Variants in CDK13 observed in about 807,000 individuals in gnomAD.
The protein encoded by CDK13 is cyclin dependent kinase 13.
CDK13 carries 40 observed loss-of-function variants against 137.6 expected under a neutral mutation model. The observed-to-expected ratio is 0.29, with a 90% confidence interval of 0.23 to 0.38. The LOEUF (loss-of-function observed/expected upper bound fraction) is 0.38. CDK13 is among the 10% of genes least tolerant of loss of function. CDK13 has a pLI of 1.00. For missense variants in CDK13, 1,704 were observed against 1,951.8 expected, an observed-to-expected ratio of 0.87 and a Z score of 2.39; for synonymous variants, 869 against 760.1, an observed-to-expected ratio of 1.14 and a Z score of -2.36.
chr7:40,051,225 C>T (rs1351283346), intron 7 of CDK13, among the ~76,000 whole-genome samples: 2 of 151,340 alleles, frequency 1.3e-5, no homozygotes, highest in Non-Finnish European at 2.9e-5. Flanking sequence ...AGCAAATATC[C>T]TATCATTATG....
rs529254106 is a variant in CDK13, at chr7:39,962,183, G to C, written c.1211+10331G>C. ...GGGATTGCTGGGTCAAATGGTATTTGTAGTTCTAGATCCCTGAGGATTTGC... is the reference window on the plus strand; with the variant it reads ...GGGATTGCTGGGTCAAATGGTATTTCTAGTTCTAGATCCCTGAGGATTTGC... On this transcript the variant is annotated intron_variant, in intron 1 of 13. Transcript: ENST00000181839. Among the ~76,000 whole-genome samples, 83 of 152,290 alleles carry C rather than the reference G, an allele frequency of 5.5e-4. No individual in the cohort carries two copies. The South Asian group carries it at 0.013, about 23-fold the overall frequency.
At chr7:39,976,323 T>TCTCTCTCTCTCTCACA in intron 1 of CDK13, among the ~76,000 whole-genome samples, 956 of 39,522 alleles carry the variant, frequency 0.024, 80 homozygotes, top group Non-Finnish European at 0.041. Flanking sequence ...TCTCTCTCTC[T>TCTCTCTCTCTCTCACA]CACACACACA....
chr7:40,030,247 G>A (rs58902595), intron 5 of CDK13, among the ~76,000 whole-genome samples: 2,321 of 107,258 alleles, frequency 0.022, 71 homozygotes, highest in African/African-American at 0.11. Flanking sequence ...GTGTGTGTGT[G>A]TATATGTGTG....
In CDK13 at chr7:40,096,194, C is replaced by G. The variant is rs1050897313; in HGVS notation, c.*1214C>G. ...CCCTTTTAAGAAAGTCAATTCTATT[C>G]ACTTGTTAACTAGAAACATTGCTTA... On this transcript the variant is annotated 3_prime_UTR_variant, in exon 14 of 14. Transcript: ENST00000181839. 1.3e-5 allele frequency: 2 copies of G among 151,908 alleles called. No individual in the cohort carries two copies. Among genetic ancestry groups the G allele is most frequent in the Non-Finnish European group, 2.9e-5 (2 of 67,926 alleles). The allele number at this position is 151,908 out of a possible 1,614,324, so 9.4% of individuals were successfully genotyped here.
chr7:40,050,562 T>C (rs1228199049), intron 7 of CDK13, among the ~76,000 whole-genome samples: 1 of 152,100 alleles, frequency 6.6e-6, no homozygotes, highest in Non-Finnish European at 1.5e-5. Flanking sequence ...CAGCTAATTT[T>C]TGTATTTTTT....
At chr7:40,075,112 A>G (rs1786517468) in intron 9 of CDK13, among the ~76,000 whole-genome samples, 1 of 152,156 alleles carries the variant, frequency 6.6e-6, no homozygotes, top group East Asian at 1.9e-4. Flanking sequence ...GATTTGTCCT[A>G]TCAGACTTTC....
chr7:39,980,641 A>G (rs1311455329), intron 1 of CDK13, among the ~76,000 whole-genome samples: 1 of 152,184 alleles, frequency 6.6e-6, no homozygotes, highest in East Asian at 1.9e-4. Context: ...ATTGGGCATC[A>G]TATGTATAGA....
At position 40,062,926 on chromosome 7, in the gene CDK13, G is replaced by T; in HGVS notation, c.2701G>T (p.Gly901Cys). The change falls in exon 8 of 14, where the codon GGC becomes TGC. Residue 901 changes from glycine to cysteine, a missense_variant and splice_region_variant. By Grantham distance (159) the Gly-to-Cys change is radical. Transcript: ENST00000181839. ...ACCAGCCATTGATGTATGGAGCTGT[G>T]GGTAAGATAGCCTTATTTACTGGTT... ...YTPAIDVWSC[G>C]CILGELFTKK... is the part of the protein sequence containing the mutation. 1 of 1,611,078 alleles carries T rather than the reference G, an allele frequency of 6.2e-7. No homozygotes were observed.
chr7:40,045,119 C>G (rs1193659019), intron 5 of CDK13, among the ~76,000 whole-genome samples: 2 of 151,736 alleles, frequency 1.3e-5, no homozygotes, highest in African/African-American at 4.8e-5. Context: ...CTTTTTTTGT[C>G]TTCGTGTTAG....
intron 2 of CDK13, among the ~76,000 whole-genome samples, chr7:39,991,484 AGTGTGTGTGTGT>A (rs66520870): frequency 2.1e-4 from 30 of 143,772 alleles, no homozygotes; most frequent in African/African-American, 5.2e-4. Context: ...CATTAGCAAA[AGTGTGTGTGTGT>A]GTGTGTGTGT....
At chr7:39,985,243 T>G (rs1784313161) in intron 1 of CDK13, 1 of 152,196 alleles carries the variant, frequency 6.6e-6, no homozygotes, top group South Asian at 2.1e-4. Context: ...TGTGCCTCAC[T>G]TATTTTACGT....
intron 11 of CDK13, among the ~76,000 whole-genome samples, chr7:40,087,085 G>A (rs1049068925): frequency 6.6e-6 from 1 of 152,090 alleles, no homozygotes; most frequent in Non-Finnish European, 1.5e-5. Context: ...TTACAGGCAT[G>A]AGCTGCTGCG....
intron 9 of CDK13, among the ~76,000 whole-genome samples, chr7:40,075,827 A>C (rs1001639913): frequency 6.6e-6 from 1 of 152,132 alleles, no homozygotes; most frequent in Non-Finnish European, 1.5e-5. Context: ...TGGGCAACAT[A>C]GCAAAAACCT....
chr7:40,055,015 TA>T (rs968517244), intron 7 of CDK13, among the ~76,000 whole-genome samples: 2 of 152,128 alleles, frequency 1.3e-5, no homozygotes, highest in African/African-American at 4.8e-5. Context: ...ATCTCTATTT[TA>T]AAAAAAGTAG....
intron 1 of CDK13, among the ~76,000 whole-genome samples, chr7:39,983,592 A>G (rs1266533630): frequency 6.6e-6 from 1 of 152,174 alleles, no homozygotes; most frequent in Non-Finnish European, 1.5e-5. Context: ...TCAATTAAAT[A>G]TAGTTTATGT....
rs1178766039 is a variant in CDK13 at position 39,951,426 on chromosome 7, C to T, written c.785C>T (p.Ser262Leu). 7 of 1,529,698 alleles carry T rather than the reference C, an allele frequency of 4.6e-6. No individual in the cohort carries two copies. In the South Asian group the frequency reaches 7.3e-5, roughly 16 times the overall value. The allele number at this position is 1,529,698 out of a possible 1,614,324, so 94.8% of individuals were successfully genotyped here. A position where few individuals can be genotyped will look rare whatever the true frequency, so the allele number is the denominator to read the frequency against. Reference protein sequence around the residue: ...SSSGGRRKSASATSSSSSSRK... With the variant: ...SSSGGRRKSALATSSSSSSRK... Reference sequence around the variant, plus strand: ...AGCGGCGGCCGCCGGAAAAGCGCTTCGGCCACATCCAGCAGCAGTAGCAGC... The same window carrying T: ...AGCGGCGGCCGCCGGAAAAGCGCTTTGGCCACATCCAGCAGCAGTAGCAGC... Residue 262 changes from serine (S) to leucine (L), a missense_variant, in exon 1 of 14, where the codon TCG becomes TTG. Coordinates refer to ENST00000181839, the MANE Select transcript of CDK13 (RefSeq NM_003718.5).
At chr7:40,057,924 T>C (rs1250514385) in intron 7 of CDK13, among the ~76,000 whole-genome samples, 1 of 152,208 alleles carries the variant, frequency 6.6e-6, no homozygotes, top group African/African-American at 2.4e-5. Context: ...GTTATGTAGT[T>C]ATGTTATATG....
intron 5 of CDK13, among the ~76,000 whole-genome samples, chr7:40,036,173 T>TACACACACACACACAC (rs70996875): frequency 6.7e-6 from 1 of 149,028 alleles, no homozygotes; most frequent in Non-Finnish European, 1.5e-5. Flanking sequence ...ATAAATAAAT[T>TACACACACACACACAC]ACACACACAC....
intron 2 of CDK13, among the ~76,000 whole-genome samples, chr7:39,992,101 A>C (rs983837038): frequency 8.6e-6 from 1 of 116,386 alleles, no homozygotes; most frequent in African/African-American, 8.0e-5. Flanking sequence ...ACACACACAC[A>C]CACGCACACA....
Sources: allele counts gnomAD v4.1 joint callset (sites outside exome capture counted in the v4.1 genomes callset), GRCh38; gene constraint gnomAD v4.1.1; transcripts MANE v1.5; gene names NCBI Gene and HGNC (gene_info 2026-07-23, HGNC 2026-07-21).